The following NEDD4L variants were observed in gnomAD, a reference collection of about 807,000 sequenced individuals.
NEDD4L encodes E3 ubiquitin-protein ligase NEDD4-like.
NEDD4L carries 54 observed loss-of-function variants against 148.9 expected under a neutral mutation model. The ratio of observed to expected loss-of-function variants is 0.36; its 90% CI spans 0.29 to 0.45. The LOEUF (loss-of-function observed/expected upper bound fraction) is 0.45. Among genes scored for constraint, NEDD4L ranks in the 20% least tolerant of loss-of-function variants. NEDD4L has a pLI of 1.00. For synonymous variants in NEDD4L, 433 were observed against 440.7 expected, an observed-to-expected ratio of 0.98 and a Z score of 0.22; for missense variants, 856 against 1,233.8, an observed-to-expected ratio of 0.69 and a Z score of 4.59.
intron 1 of NEDD4L, among the ~76,000 whole-genome samples, chr18:58,112,755 G>C (rs1196715571): frequency 1.3e-5 from 2 of 152,198 alleles, no homozygotes; most frequent in African/African-American, 4.8e-5. Context: ...CTCCCAAAGT[G>C]CTGGGATTAC....
intron 5 of NEDD4L, among the ~76,000 whole-genome samples, chr18:58,302,452 G>A (rs1024858523): frequency 6.6e-6 from 1 of 152,082 alleles, no homozygotes; most frequent in African/African-American, 2.4e-5. Flanking sequence ...AATAGAACAG[G>A]GTTTCTCAAA....
chr18:58,065,612 T>C (rs570450236), intron 1 of NEDD4L, among the ~76,000 whole-genome samples: 39 of 152,382 alleles, frequency 2.6e-4, no homozygotes, highest in African/African-American at 9.1e-4. Flanking sequence ...CTTGGTAGAC[T>C]GCATTTACTC....
At chr18:58,115,385 A>G (rs925102094) in intron 1 of NEDD4L, among the ~76,000 whole-genome samples, 1 of 151,924 alleles carries the variant, frequency 6.6e-6, no homozygotes, top group African/African-American at 2.4e-5. Flanking sequence ...CCCTGCTTAC[A>G]TTCAAGTTTT....
intron 1 of NEDD4L, chr18:58,045,522 T>G (rs1333981413): frequency 6.1e-6 from 1 of 163,430 alleles, no homozygotes; most frequent in Non-Finnish European, 1.3e-5. Flanking sequence ...TTACCTTCAT[T>G]CTCTCTTCCG....
At chr18:58,281,123 A>G (rs1201456211) in intron 5 of NEDD4L, among the ~76,000 whole-genome samples, 1 of 151,992 alleles carries the variant, frequency 6.6e-6, no homozygotes, top group Non-Finnish European at 1.5e-5. Context: ...GACTACAGGC[A>G]TGCACCACCA....
chr18:58,328,364 C>T (rs76693014), intron 9 of NEDD4L, among the ~76,000 whole-genome samples: 3,740 of 152,212 alleles, frequency 0.025, 169 homozygotes, highest in African/African-American at 0.086. Context: ...CTTCAGACCC[C>T]GGCTGACTTG....
At chr18:58,296,204 ATTAG>A (rs754289881) in intron 5 of NEDD4L, among the ~76,000 whole-genome samples, 10 of 152,156 alleles carry the variant, frequency 6.6e-5, no homozygotes, top group Non-Finnish European at 1.2e-4. Context: ...TCAGGACACT[ATTAG>A]TTAGGAAGGA....
At position 58,396,830 on chromosome 18, in the gene NEDD4L, T is replaced by G. The variant is rs921970036; in HGVS notation, c.*561T>G. On this transcript the variant is annotated 3_prime_UTR_variant, in exon 31 of 31. Transcript: ENST00000400345. ...TTATTAGAATTGGAAGGCAAATTTTTGTCCAAAAACCTACAGACAAGTACT... is the reference window on the plus strand; with the variant it reads ...TTATTAGAATTGGAAGGCAAATTTTGGTCCAAAAACCTACAGACAAGTACT... 10 of 152,560 alleles carry G rather than the reference T, an allele frequency of 6.6e-5. No homozygotes were observed. Among genetic ancestry groups the G allele is most frequent in the African/African-American group, 2.4e-4 (10 of 41,430 alleles). The allele number at this position is 152,560 out of a possible 1,614,324, so 9.5% of individuals were successfully genotyped here.
chr18:58,044,457 C>T lies in NEDD4L; in HGVS notation c.-204C>T. The T allele has an allele frequency of 1.8e-6, 1 of 546,218 alleles. No homozygotes were observed. Among genetic ancestry groups the T allele is most frequent in the Non-Finnish European group, 2.7e-6 (1 of 373,154 alleles). 33.8% of individuals were successfully genotyped at this position (546,218 alleles called of 1,614,324 possible). On this transcript the variant is annotated 5_prime_UTR_variant, in exon 1 of 31. Coordinates refer to ENST00000400345, the MANE Select transcript of NEDD4L (RefSeq NM_001144967.3). ...GCCGCCCGCCCGCTGGTCCCGCAGC[C>T]TTCCGGGAGGAAGCGGTGCCGGCAG...
chr18:58,284,957 GCTC>G (rs2053675335), intron 5 of NEDD4L, among the ~76,000 whole-genome samples: 1 of 152,128 alleles, frequency 6.6e-6, no homozygotes, highest in East Asian at 1.9e-4. Context: ...GGGCACTCCT[GCTC>G]CTGCTCTCCC....
At position 58,356,139 on chromosome 18, in the gene NEDD4L, G is replaced by A. The variant is rs1568828257; in HGVS notation, c.1709-1055G>A. On this transcript the variant is annotated intron_variant, in intron 18 of 30. Transcript: ENST00000400345. ...GGCTAATTTTTTTTTTTAACCTTTT[G>A]TAGAGATGGGTCCTCACTATGTTTC... is the stretch of plus-strand genomic sequence containing the variant. Among the ~76,000 whole-genome samples, 4 of 151,546 alleles carry A rather than the reference G, an allele frequency of 2.6e-5. No individual in the cohort carries two copies. The South Asian group carries it at 8.3e-4, about 32-fold the overall frequency.
At chr18:58,327,597 GAA>G (rs1411893435) in intron 9 of NEDD4L, among the ~76,000 whole-genome samples, 2 of 152,172 alleles carry the variant, frequency 1.3e-5, no homozygotes, top group Non-Finnish European at 2.9e-5. Context: ...GTTAGTTAAG[GAA>G]AAAGAGTTTC....
intron 6 of NEDD4L, 81 bp downstream of exon 6, chr18:58,316,113 G>T: frequency 1.7e-6 from 2 of 1,158,060 alleles, no homozygotes; most frequent in Non-Finnish European, 2.6e-6. Flanking sequence ...TTTCAGAGTG[G>T]CATTTCTTCA....
chr18:58,227,573 G>A (rs1426618755), intron 2 of NEDD4L, among the ~76,000 whole-genome samples: 1 of 152,170 alleles, frequency 6.6e-6, no homozygotes. Context: ...CTGTCTAAGG[G>A]CTGGAGTCTG....
chr18:58,160,455 G>A (rs894749510), intron 1 of NEDD4L, among the ~76,000 whole-genome samples: 4 of 152,200 alleles, frequency 2.6e-5, no homozygotes, highest in African/African-American at 4.8e-5. Flanking sequence ...ATTAATAACA[G>A]GAAGAGATGC....
At chr18:58,206,330 A>C (rs181009450) in intron 2 of NEDD4L, among the ~76,000 whole-genome samples, 1 of 152,298 alleles carries the variant, frequency 6.6e-6, no homozygotes, top group Admixed American at 6.5e-5. Context: ...CAGAGGTTGC[A>C]GTGAGCTGAG....
intron 12 of NEDD4L, 101 bp from the exon 13 acceptor site, chr18:58,335,377 C>G (rs1254444125): frequency 2.1e-6 from 2 of 938,816 alleles, no homozygotes; most frequent in Non-Finnish European, 3.4e-6. Context: ...TCTGATCTCA[C>G]GTCACCTGCC....
At chr18:58,104,591 T>C (rs1787774) in intron 1 of NEDD4L, among the ~76,000 whole-genome samples, 28,137 of 152,214 alleles carry the variant, frequency 0.18, 5,856 homozygotes, top group African/African-American at 0.52. Context: ...CACTTTTAAA[T>C]ATTTCTTGAT....
intron 29 of NEDD4L, 44 bp downstream of exon 29, chr18:58,390,786 C>A: frequency 7.0e-7 from 1 of 1,421,448 alleles, no homozygotes; most frequent in Non-Finnish European, 9.8e-7. Flanking sequence ...CTGGGAATTT[C>A]CAGCCAGGCA....
Sources: gnomAD v4.1 joint callset for allele counts (sites outside exome capture counted in the v4.1 genomes callset) on GRCh38, gnomAD v4.1.1 for gene constraint, MANE v1.5 for transcripts, NCBI Gene and HGNC (gene_info 2026-07-23, HGNC 2026-07-21) for gene names.